PRDM16: variants seen among roughly 807,000 people sequenced by gnomAD.
PRDM16 encodes PR/SET domain 16, also known as histone-lysine N-methyltransferase PRDM16.
Under a neutral mutation model 110.6 loss-of-function variants are expected in PRDM16, and 23 were observed. The observed-to-expected ratio is 0.21, with a 90% CI of 0.15 to 0.29. PRDM16 has a LOEUF of 0.29. PRDM16 is among the 10% of genes least tolerant of loss of function. The probability of loss-of-function intolerance (pLI) is 1.00; values close to 1 mark genes in which losing one functional copy is unlikely to be tolerated. For synonymous variants in PRDM16, 799 were observed against 781.8 expected (o/e 1.02, Z -0.37); for missense variants, 1,615 against 1,794.3 (o/e 0.90, Z 1.81).
chr1:3,116,712 T>A (rs959999180), intron 1 of PRDM16, among the ~76,000 whole-genome samples: 2 of 152,050 alleles, frequency 1.3e-5, no homozygotes, highest in Admixed American at 6.5e-5. Flanking sequence ...ACCTCAGAGG[T>A]CAGAAGCCAC....
At chr1:3,412,837 G>A in intron 9 of PRDM16, 37 bp downstream of exon 9, 1 of 1,417,768 alleles carries the variant, frequency 7.1e-7, no homozygotes, top group Non-Finnish European at 9.2e-7. Flanking sequence ...TCTCCCTGGG[G>A]CGGGGCCGCG....
At chr1:3,171,294 C>T (rs1254733952) in intron 1 of PRDM16, among the ~76,000 whole-genome samples, 2 of 152,246 alleles carry the variant, frequency 1.3e-5, no homozygotes, top group Non-Finnish European at 2.9e-5. Flanking sequence ...CATTTAACCC[C>T]TTGTTCCTCC....
Position 3,412,288 on chromosome 1 carries a change from A to T in PRDM16, c.2091A>T (p.Ala697=), listed in dbSNP as rs35184988. The T allele has an allele frequency of 1.2e-3, 1,864 of 1,613,686 alleles. 19 individuals are homozygous for T. The African/African-American group carries it at 0.023, about 20-fold the overall frequency. ...GAAGDSIKAI[A]SIAEKYFGPG... ...CCGGGGACTCCATCAAGGCCATCGC[A>T]TCCATTGCCGAGAAGTACTTTGGCC... Residue 697 remains alanine, a synonymous_variant, in exon 9 of 17, where the codon GCA becomes GCT. Transcript: ENST00000270722.
At chr1:3,225,361 A>G (rs1159841541) in intron 2 of PRDM16, among the ~76,000 whole-genome samples, 3 of 152,004 alleles carry the variant, frequency 2.0e-5, no homozygotes, top group African/African-American at 4.8e-5. Context: ...GAGGTTTCTG[A>G]AATGTTTGCA....
intron 2 of PRDM16, among the ~76,000 whole-genome samples, chr1:3,232,034 T>C (rs1224762866): frequency 6.6e-6 from 1 of 152,232 alleles, no homozygotes; most frequent in Non-Finnish European, 1.5e-5. Flanking sequence ...GGTGACGCTC[T>C]GCCTCCCGCT....
At chr1:3,395,441 T>G (rs150702537) in intron 4 of PRDM16, among the ~76,000 whole-genome samples, 97 of 152,224 alleles carry the variant, frequency 6.4e-4, no homozygotes, top group Admixed American at 2.9e-3. Context: ...GCAGGTGGAT[T>G]TCCCTTGGGC....
At chr1:3,198,165 C>T (rs1638528417) in intron 2 of PRDM16, among the ~76,000 whole-genome samples, 1 of 152,192 alleles carries the variant, frequency 6.6e-6, no homozygotes, top group Non-Finnish European at 1.5e-5. Context: ...GGCGGGCACT[C>T]CATGCGTTCT....
At chr1:3,115,222 T>C (rs1192270199) in intron 1 of PRDM16, among the ~76,000 whole-genome samples, 7 of 152,200 alleles carry the variant, frequency 4.6e-5, no homozygotes, top group Non-Finnish European at 1.0e-4. Flanking sequence ...CCCCCACACA[T>C]TGGAGTTCAT....
rs1391006756 is a variant in PRDM16, at chr1:3,433,983, C to T, written c.*172C>T. ...AATGGAAACTCAGATCCCAAAAGTC[C>T]CTAAAGCAGTCGTAGAGTCTCACCA... On this transcript the variant is annotated 3_prime_UTR_variant, in exon 17 of 17. Coordinates refer to ENST00000270722, the MANE Select transcript of PRDM16 (RefSeq NM_022114.4). 3.0e-6 allele frequency: 2 copies of T among 672,372 alleles called. No homozygotes were observed. Among genetic ancestry groups the T allele is most frequent in the Admixed American group, 3.0e-5 (1 of 33,834 alleles). 41.7% of individuals were successfully genotyped at this position (672,372 alleles called of 1,614,324 possible). A position where few individuals can be genotyped will look rare whatever the true frequency, so the allele number is the denominator to read the frequency against.
chr1:3,274,602 A>G (rs1342209427), intron 3 of PRDM16, among the ~76,000 whole-genome samples: 3 of 152,234 alleles, frequency 2.0e-5, no homozygotes, highest in East Asian at 1.9e-4. Context: ...TAGTCAAACA[A>G]TAGCTAATTA....
chr1:3,087,053 A>G (rs1371974308), intron 1 of PRDM16, among the ~76,000 whole-genome samples: 1 of 152,228 alleles, frequency 6.6e-6, no homozygotes, highest in Non-Finnish European at 1.5e-5. Context: ...CTCGTAGTTC[A>G]TATGGAAACG....
chr1:3,220,380 C>T (rs1639125392), intron 2 of PRDM16, among the ~76,000 whole-genome samples: 1 of 152,198 alleles, frequency 6.6e-6, no homozygotes, highest in Non-Finnish European at 1.5e-5. Context: ...CCAGGAGCTA[C>T]CTGCAGCCCT....
At position 3,255,260 on chromosome 1, in the gene PRDM16, G is replaced by A. The variant is rs964942749; in HGVS notation, c.438+11123G>A. ...ACATAGGCATGGGCAAGGACTTCAT[G>A]TCTAAAACACCACAAGCAATGGCAA... On this transcript the variant is annotated intron_variant, in intron 3 of 16. Transcript: ENST00000270722. The surrounding 1 kb of genome is among the most constrained non-coding windows in gnomAD (Gnocchi z 4.7). Among the ~76,000 whole-genome samples the A allele has an allele frequency of 2.6e-5, 4 of 152,204 alleles. No homozygotes were observed. Among genetic ancestry groups the A allele is most frequent in the African/African-American group, 9.7e-5 (4 of 41,442 alleles).
intron 12 of PRDM16, among the ~76,000 whole-genome samples, chr1:3,423,244 G>A (rs2100687112): frequency 6.6e-6 from 1 of 152,254 alleles, no homozygotes; most frequent in East Asian, 1.9e-4. Flanking sequence ...GTTTTACCAG[G>A]CAGCCTGGGG....
At chr1:3,093,652 G>A (rs1408223690) in intron 1 of PRDM16, among the ~76,000 whole-genome samples, 1 of 152,152 alleles carries the variant, frequency 6.6e-6, no homozygotes, top group Non-Finnish European at 1.5e-5. Context: ...GCTGCATGCT[G>A]TGGTCGTGGT....
intron 1 of PRDM16, among the ~76,000 whole-genome samples, chr1:3,149,829 C>T (rs1643743655): frequency 6.6e-6 from 1 of 152,230 alleles, no homozygotes; most frequent in African/African-American, 2.4e-5. Flanking sequence ...GCAATCCACC[C>T]GCCCTACTCA....
In PRDM16 at chr1:3,374,324, T is replaced by C. The variant is rs1040516117; in HGVS notation, c.439-10828T>C. Among the ~76,000 whole-genome samples the C allele has an allele frequency of 5.3e-4, 81 of 152,326 alleles. 1 individual carries two copies. The highest frequency in any genetic ancestry group is 1.8e-3 in the African/African-American group (76 of 41,580). The stretch of plus-strand genomic sequence containing the variant: ...CCCCCTTGGCAAAGAGCTTTCCACT[T>C]GACCATAATGCGGGATCCCTTTAAA... On this transcript the variant is annotated intron_variant, in intron 3 of 16. Coordinates refer to ENST00000270722, the MANE Select transcript of PRDM16 (RefSeq NM_022114.4).
chr1:3,317,645 T>C (rs1641642549), intron 3 of PRDM16, among the ~76,000 whole-genome samples: 1 of 152,198 alleles, frequency 6.6e-6, no homozygotes, highest in Non-Finnish European at 1.5e-5. Context: ...GGCCCTGGCC[T>C]CCAGACACAA....
intron 1 of PRDM16, among the ~76,000 whole-genome samples, chr1:3,130,354 T>C (rs1026953267): frequency 1.3e-5 from 2 of 152,166 alleles, no homozygotes; most frequent in Non-Finnish European, 1.5e-5. Context: ...GTGTGTCCTT[T>C]GCAAACTACA....
Sources: gnomAD v4.1 joint callset for allele counts (sites outside exome capture counted in the v4.1 genomes callset) on GRCh38, gnomAD v4.1.1 for gene constraint, Gnocchi (gnomAD v3.1) non-coding constraint, MANE v1.5 for transcripts, NCBI Gene and HGNC (gene_info 2026-07-23, HGNC 2026-07-21) for gene names.